Variants in HNRNPH1 observed in about 807,000 individuals in gnomAD.
The protein encoded by HNRNPH1 is heterogeneous nuclear ribonucleoprotein H1.
In HNRNPH1, 4 loss-of-function variants were observed where a neutral mutation model predicts 58.6. That is an observed-to-expected ratio of 0.07 (90% CI 0.03 to 0.16). The LOEUF is 0.16. Ranked by LOEUF, HNRNPH1 falls within the 10% of genes least tolerant of loss-of-function variation. HNRNPH1 has a pLI of 1.00. For synonymous variants in HNRNPH1, 192 were observed against 189.2 expected (o/e 1.01, Z -0.12); for missense variants, 271 against 564.2 (o/e 0.48, Z 5.26).
At chr5:179,623,980 G>T (rs1774033283) in exon 1 of HNRNPH1, 1 of 152,758 alleles carries the variant, frequency 6.5e-6, no homozygotes, top group South Asian at 2.1e-4. Flanking sequence ...AGCCTTACCC[G>T]CCAGCGTGGG....
exon 1 of HNRNPH1, chr5:179,624,602 A>T (rs1774177776): frequency 2.5e-6 from 1 of 398,628 alleles, no homozygotes; most frequent in South Asian, 1.3e-4. Context: ...GCATTCGAGG[A>T]GGCCCCCGGG....
upstream of HNRNPH1, among the ~76,000 whole-genome samples, chr5:179,628,474 C>T (rs1562366255): frequency 6.6e-6 from 1 of 152,124 alleles, no homozygotes; most frequent in Non-Finnish European, 1.5e-5. Flanking sequence ...CTACCTCAGC[C>T]TCCAGAGTAG....
chr5:179,624,461 G>A lies in HNRNPH1; in HGVS notation c.-1328C>T, dbSNP rs1774148125. 7.5e-6 allele frequency: 3 copies of A among 398,472 alleles called. No individual in the cohort carries two copies. The South Asian group carries it at 3.8e-4, about 51-fold the overall frequency. 24.7% of individuals were successfully genotyped at this position (398,472 alleles called of 1,614,324 possible). ...GTCGGCAGGCCTTGACTGCCCTGGG[G>A]CCCTGGCACGAGGAGGGATCGCGAG... On this transcript the variant is annotated 5_prime_UTR_variant, in exon 1 of 13. Coordinates refer to ENST00000356731, the Ensembl canonical transcript of HNRNPH1.
chr5:179,618,197 G>A (rs1196621594), exon 5 of HNRNPH1: 6 of 1,614,154 alleles, frequency 3.7e-6, no homozygotes, highest in Non-Finnish European at 4.2e-6. Flanking sequence ...CTCTGCCAAT[G>A]CTGTTATACC....
intron 7 of HNRNPH1, 23 bp from the exon 9 acceptor site, chr5:179,617,672 G>A: frequency 5.0e-6 from 8 of 1,608,602 alleles, no homozygotes; most frequent in Non-Finnish European, 5.9e-6. Context: ...GCATTTCAAA[G>A]AATTCAACCA....
rs761028285 is a variant in HNRNPH1 at position 179,617,942 on chromosome 5, C to A, written c.788-10G>T. On this transcript the variant is annotated splice_polypyrimidine_tract_variant and intron_variant, in intron 6 of 12. Transcript: ENST00000356731. ...AAACAGTAATTGAGGTCTAGATGGA[C>A]AAGAGTGTAAGCATCCTTCAACTGA... 6.2e-7 allele frequency: 1 copy of A among 1,614,062 alleles called. No homozygotes were observed. Among genetic ancestry groups the A allele is most frequent in the Non-Finnish European group, 8.5e-7 (1 of 1,179,910 alleles).
At chr5:179,630,596 T>C (rs1347641746) in intron 2 of HNRNPH1, among the ~76,000 whole-genome samples, 3 of 151,940 alleles carry the variant, frequency 2.0e-5, no homozygotes, top group African/African-American at 7.3e-5. Flanking sequence ...ACCCTCTCGC[T>C]CAGGGCTATT....
intron 2 of HNRNPH1, among the ~76,000 whole-genome samples, chr5:179,630,876 A>C (rs1203927868): frequency 2.0e-5 from 3 of 150,674 alleles, no homozygotes; most frequent in South Asian, 2.1e-4. Flanking sequence ...GTGCCACTGC[A>C]CTCCAGCCTG....
At chr5:179,623,486 G>C (rs1157251917) in exon 1 of HNRNPH1, 1 of 176,296 alleles carries the variant, frequency 5.7e-6, no homozygotes, top group East Asian at 1.6e-4. Flanking sequence ...GCGGTGCCGA[G>C]ATTCAGCGAA....
intron 11 of HNRNPH1, chr5:179,615,870 T>G (rs1200480018): frequency 5.7e-5 from 30 of 529,656 alleles, no homozygotes; most frequent in Middle Eastern, 4.9e-4. Flanking sequence ...AATGACTAGT[T>G]CTTAATTCAA....
intron 12 of HNRNPH1, chr5:179,615,207 A>G (rs1768935995): frequency 2.3e-6 from 1 of 440,638 alleles, no homozygotes; most frequent in Admixed American, 3.8e-5. Flanking sequence ...TCAACATGAA[A>G]AATTAAGTTT....
At position 179,619,180 on chromosome 5, in the gene HNRNPH1, CATT is replaced by C. The variant is rs1419180704; in HGVS notation, c.536+86_536+88del. 4.2e-6 allele frequency: 5 copies of C among 1,188,718 alleles called. No individual in the cohort carries two copies. The African/African-American group carries it at 7.7e-5, about 18-fold the overall frequency. 73.6% of individuals were successfully genotyped at this position (1,188,718 alleles called of 1,614,324 possible). A position where few individuals can be genotyped will look rare whatever the true frequency, so the allele number is the denominator to read the frequency against. On this transcript the variant is annotated intron_variant, in intron 4 of 12. Coordinates refer to ENST00000356731, the Ensembl canonical transcript of HNRNPH1. ...ACATCAATTACCTAGGACTACAAAA[CATT>C]AATTTCTTCTTTTAAGCAGAGAGAA...
intron 1 of HNRNPH1, chr5:179,621,715 C>G (rs1581710585): frequency 4.9e-6 from 2 of 405,300 alleles, no homozygotes; most frequent in East Asian, 1.1e-4. Context: ...CAAGCCTGGA[C>G]TGTGTGACTT....
chr5:179,614,405 T>G (rs1768444615), exon 13 of HNRNPH1: 1 of 152,498 alleles, frequency 6.6e-6, no homozygotes, highest in Admixed American at 6.5e-5. Context: ...AAACTAGAAT[T>G]AACAAACATG....
chr5:179,619,469 T>G (rs1392895523), intron 3 of HNRNPH1, 62 bp from the exon 5 acceptor site: 2 of 1,486,878 alleles, frequency 1.3e-6, no homozygotes, highest in Admixed American at 1.9e-5. Flanking sequence ...AGCCCAGAAA[T>G]GATTCTTCTT....
intron 1 of HNRNPH1, 87 bp from the exon 3 acceptor site, chr5:179,621,484 A>C (rs911203746): frequency 5.7e-5 from 63 of 1,099,668 alleles, no homozygotes; most frequent in Non-Finnish European, 7.5e-5. Context: ...CCATGTCCCC[A>C]CTACAAATTA....
chr5:179,617,723 A>G, intron 7 of HNRNPH1, 74 bp from the exon 9 acceptor site: 5 of 1,603,180 alleles, frequency 3.1e-6, no homozygotes, highest in Non-Finnish European at 4.3e-6. Flanking sequence ...TTTCTAACAT[A>G]GTGCTCACAT....
intron 8 of HNRNPH1, 34 bp downstream of exon 9, chr5:179,617,480 T>C: frequency 6.2e-7 from 1 of 1,603,416 alleles, no homozygotes; most frequent in Non-Finnish European, 8.5e-7. Context: ...CACAATCACC[T>C]GTTAAGAGCC....
intron 1 of HNRNPH1, among the ~76,000 whole-genome samples, chr5:179,622,483 G>C (rs1772940161): frequency 6.6e-6 from 1 of 152,176 alleles, no homozygotes; most frequent in South Asian, 2.1e-4. Flanking sequence ...AACCGAGGTG[G>C]GCGGATCACT....
Sources: allele counts gnomAD v4.1 joint callset (sites outside exome capture counted in the v4.1 genomes callset), GRCh38; gene constraint gnomAD v4.1.1; transcripts MANE v1.5; gene names NCBI Gene and HGNC (gene_info 2026-07-23, HGNC 2026-07-21).